PACRG: variants seen among roughly 807,000 people sequenced by gnomAD.
The protein encoded by PACRG is parkin coregulated gene protein.
In PACRG, 29 loss-of-function variants were observed where a neutral mutation model predicts 29.7. The ratio of observed to expected loss-of-function variants is 0.98; its 90% CI spans 0.73 to 1.33. The LOEUF (loss-of-function observed/expected upper bound fraction) is 1.33. Among genes scored for constraint, PACRG ranks in the 40% most tolerant of loss-of-function variants. The probability of loss-of-function intolerance (pLI) is 0.00; values close to 1 mark genes in which losing one functional copy is unlikely to be tolerated. For synonymous variants in PACRG, 116 were observed against 118.7 expected, an observed-to-expected ratio of 0.98 and a Z score of 0.15; for missense variants, 279 against 316.2, an observed-to-expected ratio of 0.88 and a Z score of 0.89.
At chr6:163,307,346 G>A (rs1397392933) in intron 4 of PACRG, among the ~76,000 whole-genome samples, 6 of 152,284 alleles carry the variant, frequency 3.9e-5, no homozygotes, top group Admixed American at 3.9e-4. Context: ...ATCCAGCTGG[G>A]AATCGAGTGC....
At chr6:162,754,045 T>C (rs931165550) in intron 1 of PACRG, among the ~76,000 whole-genome samples, 6 of 152,188 alleles carry the variant, frequency 3.9e-5, no homozygotes, top group Non-Finnish European at 8.8e-5. Flanking sequence ...GTTTTTAGTT[T>C]ATGGCAGAAT....
intron 2 of PACRG, among the ~76,000 whole-genome samples, chr6:162,950,713 A>G (rs951464430): frequency 7.9e-5 from 12 of 152,236 alleles, no homozygotes; most frequent in African/African-American, 2.9e-4. Context: ...AAAATACTAC[A>G]AATATCTAAT....
At chr6:163,280,848 T>C (rs116073329) in intron 4 of PACRG, among the ~76,000 whole-genome samples, 2,486 of 152,254 alleles carry the variant, frequency 0.016, 71 homozygotes, top group African/African-American at 0.056. Context: ...CATCTCCAGA[T>C]ACAGCCACAC....
intron 2 of PACRG, among the ~76,000 whole-genome samples, chr6:163,010,582 T>C (rs537779283): frequency 6.6e-6 from 1 of 152,210 alleles, no homozygotes; most frequent in Non-Finnish European, 1.5e-5. Flanking sequence ...TATTTCATCA[T>C]GTAGCCAGAG....
intron 4 of PACRG, among the ~76,000 whole-genome samples, chr6:163,274,674 C>T (rs1264258461): frequency 2.6e-5 from 4 of 152,128 alleles, no homozygotes; most frequent in African/African-American, 9.7e-5. Flanking sequence ...CCTATTTCTC[C>T]ACATCCTCTC....
intron 4 of PACRG, among the ~76,000 whole-genome samples, chr6:163,246,543 T>G (rs1782705282): frequency 6.6e-6 from 1 of 152,192 alleles, no homozygotes; most frequent in Non-Finnish European, 1.5e-5. Context: ...GCCGTTTGCT[T>G]AATACCTGTA....
chr6:163,195,241 T>C (rs187021909), intron 4 of PACRG, among the ~76,000 whole-genome samples: 1 of 152,384 alleles, frequency 6.6e-6, no homozygotes, highest in East Asian at 1.9e-4. Context: ...TCACATTTCA[T>C]TATCGTGAAC....
At chr6:163,085,365 A>G (rs1298210634) in intron 3 of PACRG, among the ~76,000 whole-genome samples, 1 of 152,190 alleles carries the variant, frequency 6.6e-6, no homozygotes, top group African/African-American at 2.4e-5. Context: ...TAAAGAGAAA[A>G]GAAAGAAACC....
At chr6:162,908,714 A>G (rs938771003) in intron 2 of PACRG, among the ~76,000 whole-genome samples, 1 of 152,214 alleles carries the variant, frequency 6.6e-6, no homozygotes, top group Non-Finnish European at 1.5e-5. Flanking sequence ...AACCTTCAGG[A>G]TCCAGTCATT....
upstream of PACRG, chr6:162,727,686 C>A (rs763058481): frequency 5.7e-6 from 9 of 1,572,020 alleles, no homozygotes; most frequent in Non-Finnish European, 7.8e-6. Flanking sequence ...GGGTAGGTGG[C>A]GGCTGCGGGC....
At chr6:162,992,054 G>A (rs1256297407) in intron 2 of PACRG, among the ~76,000 whole-genome samples, 42 of 141,432 alleles carry the variant, frequency 3.0e-4, no homozygotes, top group African/African-American at 4.6e-4. Context: ...ATTGATTTGC[G>A]TATATTGAAC....
chr6:162,730,936 G>A (rs938641881), intron 1 of PACRG, among the ~76,000 whole-genome samples: 3 of 152,064 alleles, frequency 2.0e-5, no homozygotes, highest in Non-Finnish European at 4.4e-5. Context: ...TAGTAACCCA[G>A]TATTTTGTTG....
rs544887531 is a variant in PACRG, at chr6:163,146,856, T to A, written c.613+57448T>A. Among the ~76,000 whole-genome samples the A allele has an allele frequency of 8.5e-5, 13 of 152,352 alleles. No homozygotes were observed. The East Asian group carries it at 2.1e-3, about 25-fold the overall frequency. On this transcript the variant is annotated intron_variant, in intron 4 of 4. Coordinates refer to ENST00000366888, the MANE Select transcript of PACRG (RefSeq NM_001080379.2). ...ACATCTCTAATTGTTTTGGAGATAA[T>A]ATCCTATTCATTTTCACAATATTCC...
intron 2 of PACRG, among the ~76,000 whole-genome samples, chr6:162,984,275 G>A (rs1277910737): frequency 6.6e-6 from 1 of 151,918 alleles, no homozygotes; most frequent in Non-Finnish European, 1.5e-5. Context: ...ACTATGCTTG[G>A]TCTTCCATTC....
chr6:162,750,380 CTG>C (rs2128278818), intron 1 of PACRG, among the ~76,000 whole-genome samples: 1 of 152,272 alleles, frequency 6.6e-6, no homozygotes, highest in Non-Finnish European at 1.5e-5. Context: ...AACATTCACA[CTG>C]TCATTTTACT....
At chr6:162,766,197 C>T (rs1238552319) in intron 1 of PACRG, among the ~76,000 whole-genome samples, 2 of 152,104 alleles carry the variant, frequency 1.3e-5, no homozygotes, top group Admixed American at 1.3e-4. Flanking sequence ...AACTTTGTCC[C>T]CATTGACCAA....
chr6:162,765,199 T>C (rs1782685372), intron 1 of PACRG, among the ~76,000 whole-genome samples: 1 of 152,084 alleles, frequency 6.6e-6, no homozygotes, highest in East Asian at 1.9e-4. Flanking sequence ...ATTAGTCCTA[T>C]CTGAGCCAAC....
intron 4 of PACRG, among the ~76,000 whole-genome samples, chr6:163,149,046 T>C (rs1178911628): frequency 2.1e-5 from 3 of 143,212 alleles, no homozygotes; most frequent in Non-Finnish European, 4.5e-5. Flanking sequence ...TGTGTCACTG[T>C]CGACTGGCTC....
intron 4 of PACRG, among the ~76,000 whole-genome samples, chr6:163,263,408 C>T (rs1338377469): frequency 1.3e-5 from 2 of 152,132 alleles, no homozygotes; most frequent in Non-Finnish European, 2.9e-5. Context: ...GTTTCTGTCC[C>T]CTGAGTCAGC....
Sources: gnomAD v4.1 joint callset for allele counts (sites outside exome capture counted in the v4.1 genomes callset) on GRCh38, gnomAD v4.1.1 for gene constraint, MANE v1.5 for transcripts, NCBI Gene and HGNC (gene_info 2026-07-23, HGNC 2026-07-21) for gene names.